The following C16orf89 variants were observed in gnomAD, a reference collection of about 807,000 sequenced individuals.
C16orf89 encodes the protein UPF0764 protein C16orf89.
C16orf89 carries 57 observed loss-of-function variants against 41.5 expected under a neutral mutation model. The observed-to-expected ratio is 1.38, with a 90% CI of 1.11 to 1.71. C16orf89 has a LOEUF of 1.71. Among genes scored for constraint, C16orf89 ranks in the 40% most tolerant of loss-of-function variants. C16orf89 has a pLI of 0.00. For synonymous variants in C16orf89, 223 were observed against 190.6 expected, an observed-to-expected ratio of 1.17 and a Z score of -1.40; for missense variants, 575 against 445.9, an observed-to-expected ratio of 1.29 and a Z score of -2.61.
intron 2 of C16orf89, among the ~76,000 whole-genome samples, chr16:5,061,501 A>AAAAAAAAG (rs67476932): frequency 7.9e-5 from 7 of 88,922 alleles, no homozygotes; most frequent in African/African-American, 2.3e-4. Flanking sequence ...AAAAAAAAAA[A>AAAAAAAAG]AAACCCCCCC....
Position 5,065,832 on chromosome 16 carries a change from A to C in C16orf89, c.77T>G (p.Leu26Arg). Residue 26 changes from leucine to arginine, a missense_variant, in exon 1 of 8, where the codon CTG (leucine) becomes CGG (arginine). Coordinates refer to ENST00000472572, the MANE Select transcript of C16orf89 (RefSeq NM_001098514.3). ...PPLWSSSLPG[L>R]DTAESKATIA... ...GGTGGCTTTACTTTCAGCAGTGTCCAGCCCAGGCAGTGAGGAGGACCACAG... is the reference window on the plus strand; with the variant it reads ...GGTGGCTTTACTTTCAGCAGTGTCCCGCCCAGGCAGTGAGGAGGACCACAG... The C allele has an allele frequency of 1.2e-6, 2 of 1,614,238 alleles. No homozygotes were observed. The highest frequency in any genetic ancestry group is 1.7e-6 in the Non-Finnish European group (2 of 1,180,030).
intron 5 of C16orf89, 165 bp from the exon 6 acceptor site, chr16:5,055,515 A>AC (rs1364053636): frequency 1.3e-5 from 12 of 958,186 alleles, no homozygotes; most frequent in Non-Finnish European, 1.7e-5. Context: ...CCTTTGCCTG[A>AC]CCAACTAGGG....
At chr16:5,061,733 C>A (rs1044239288) in intron 2 of C16orf89, among the ~76,000 whole-genome samples, 1 of 152,138 alleles carries the variant, frequency 6.6e-6, no homozygotes, top group Non-Finnish European at 1.5e-5. Flanking sequence ...GGCTGGACTG[C>A]CGTGTGAGCA....
At chr16:5,051,926 C>A (rs924737590) in intron 6 of C16orf89, among the ~76,000 whole-genome samples, 1 of 151,634 alleles carries the variant, frequency 6.6e-6, no homozygotes, top group East Asian at 1.9e-4. Flanking sequence ...ATGTAGAAAC[C>A]CTGTCTCTAC....
downstream of C16orf89, chr16:5,043,963 G>T: frequency 4.1e-6 from 1 of 242,192 alleles, no homozygotes; most frequent in Non-Finnish European, 6.6e-6. Context: ...AGGCTGCAGT[G>T]AGCCTAGGTG....
At chr16:5,058,988 C>G (rs1471875018) in intron 3 of C16orf89, among the ~76,000 whole-genome samples, 1 of 152,104 alleles carries the variant, frequency 6.6e-6, no homozygotes, top group Non-Finnish European at 1.5e-5. Context: ...ACCTATAATT[C>G]TAGCACTTTG....
chr16:5,055,155 C>G, intron 6 of C16orf89, 91 bp downstream of exon 6: 1 of 1,090,636 alleles, frequency 9.2e-7, no homozygotes, highest in Non-Finnish European at 1.3e-6. Context: ...ACCTTAACAC[C>G]AATGCATTGT....
At chr16:5,052,967 T>C (rs75998262) in intron 6 of C16orf89, among the ~76,000 whole-genome samples, 6 of 152,314 alleles carry the variant, frequency 3.9e-5, no homozygotes, top group Admixed American at 6.5e-5. Flanking sequence ...AATTCTTTCA[T>C]TCATAGCAAC....
At chr16:5,058,663 C>A (rs556630943) in intron 3 of C16orf89, 53 bp from the exon 4 acceptor site, 5 of 1,422,864 alleles carry the variant, frequency 3.5e-6, no homozygotes, top group Non-Finnish European at 4.9e-6. Context: ...CTCTGCCCTG[C>A]GTCTTCCCAG....
intron 6 of C16orf89, among the ~76,000 whole-genome samples, chr16:5,052,410 C>T (rs938530446): frequency 3.3e-5 from 5 of 151,872 alleles, no homozygotes; most frequent in South Asian, 2.1e-4. Flanking sequence ...GGCAACATGG[C>T]GAAACTCTGT....
chr16:5,047,470 T>C (rs894101546), intron 7 of C16orf89, among the ~76,000 whole-genome samples: 3 of 136,122 alleles, frequency 2.2e-5, no homozygotes, highest in African/African-American at 7.4e-5. Flanking sequence ...TTTCTTTCTT[T>C]CTTTTTTTTT....
At chr16:5,057,671 G>A (rs2142650570) in intron 4 of C16orf89, among the ~76,000 whole-genome samples, 1 of 151,686 alleles carries the variant, frequency 6.6e-6, no homozygotes, top group East Asian at 2.0e-4. Flanking sequence ...TGGAATTACA[G>A]GTGCATGCCA....
chr16:5,060,981 C>G (rs544617404), intron 2 of C16orf89, among the ~76,000 whole-genome samples: 1 of 129,962 alleles, frequency 7.7e-6, no homozygotes, highest in African/African-American at 2.9e-5. Flanking sequence ...AGAGGCAGGG[C>G]CAAGAGCGGT....
intron 2 of C16orf89, 104 bp from the exon 3 acceptor site, chr16:5,060,540 G>GGC: frequency 1.6e-6 from 2 of 1,235,404 alleles, no homozygotes; most frequent in Non-Finnish European, 2.2e-6. Context: ...CCACTGGCAG[G>GGC]TGCAGCTCAG....
At chr16:5,059,052 C>T (rs1163917713) in intron 3 of C16orf89, among the ~76,000 whole-genome samples, 5 of 151,868 alleles carry the variant, frequency 3.3e-5, no homozygotes, top group Non-Finnish European at 5.9e-5. Flanking sequence ...CCAGCCTGGC[C>T]AACATGGTGA....
At chr16:5,052,410 C>G (rs938530446) in intron 6 of C16orf89, among the ~76,000 whole-genome samples, 1 of 151,990 alleles carries the variant, frequency 6.6e-6, no homozygotes, top group East Asian at 1.9e-4. Flanking sequence ...GGCAACATGG[C>G]GAAACTCTGT....
chr16:5,059,588 C>T (rs530596137), intron 3 of C16orf89, among the ~76,000 whole-genome samples: 5 of 152,176 alleles, frequency 3.3e-5, no homozygotes, highest in South Asian at 2.1e-4. Flanking sequence ...TGACAGGATG[C>T]GGCCTGGGCA....
chr16:5,065,659 T>A lies in C16orf89; in HGVS notation c.208+42A>T, dbSNP rs375832443. 2.9e-5 allele frequency: 46 copies of A among 1,566,560 alleles called. No homozygotes were observed. The African/African-American group carries it at 6.0e-4, about 20-fold the overall frequency. ...CAGGGCAGGGGACAAAGCTGAGAGC[T>A]AGCTTCCCAGTGTCCAGCCAGAGGA... On this transcript the variant is annotated intron_variant, in intron 1 of 7. Coordinates refer to ENST00000472572, the MANE Select transcript of C16orf89 (RefSeq NM_001098514.3).
chr16:5,052,795 G>C (rs1170700918), intron 6 of C16orf89, among the ~76,000 whole-genome samples: 1 of 152,134 alleles, frequency 6.6e-6, no homozygotes, highest in South Asian at 2.1e-4. Context: ...CCAAAGGAAA[G>C]GAAATTGGTA....
Sources: gnomAD v4.1 joint callset for allele counts (sites outside exome capture counted in the v4.1 genomes callset) on GRCh38, gnomAD v4.1.1 for gene constraint, MANE v1.5 for transcripts, NCBI Gene and HGNC (gene_info 2026-07-23, HGNC 2026-07-21) for gene names.